ABHD2: variants seen among roughly 807,000 people sequenced by gnomAD.
The protein encoded by ABHD2 is abhydrolase domain containing 2, acylglycerol lipase, also known as monoacylglycerol lipase ABHD2.
A neutral mutation model predicts 48.1 loss-of-function variants in ABHD2; 20 were observed. The ratio of observed to expected loss-of-function variants is 0.42; its 90% CI spans 0.29 to 0.60. The LOEUF is 0.60. Among genes scored for constraint, ABHD2 ranks in the 20% least tolerant of loss-of-function variants. The pLI is 0.24. For missense variants in ABHD2, 405 were observed against 550.9 expected, an observed-to-expected ratio of 0.74 and a Z score of 2.65; for synonymous variants, 209 against 214.2, an observed-to-expected ratio of 0.98 and a Z score of 0.21.
the ABHD2 span, among the ~76,000 whole-genome samples, chr15:89,069,122 CT>C: frequency 1.1e-3 from 135 of 124,830 alleles, no homozygotes; most frequent in Admixed American, 1.6e-3. Context: ...CTTTTCTTTT[CT>C]TTTTTTTTTT....
At chr15:89,059,747 T>C in the ABHD2 span, among the ~76,000 whole-genome samples, 6 of 152,240 alleles carry the variant, frequency 3.9e-5, no homozygotes, top group Non-Finnish European at 7.4e-5. Context: ...CGCAGAGGAA[T>C]CTGCCACCAA....
At chr15:89,082,823 G>T (rs1901303595), upstream of ABHD2, 2 of 152,136 alleles carry the variant, frequency 1.3e-5, no homozygotes, top group Admixed American at 6.5e-5. The surrounding 1 kb of genome is among the most constrained non-coding windows in gnomAD (Gnocchi z 4.4). Flanking sequence ...AATAATATAG[G>T]GGTCTCTGGA....
At chr15:89,187,892 A>G (rs1194805316) in intron 7 of ABHD2, among the ~76,000 whole-genome samples, 1 of 152,210 alleles carries the variant, frequency 6.6e-6, no homozygotes, top group Admixed American at 6.5e-5. Context: ...GGCTTGGCCC[A>G]TGGCCCACCA....
chr15:89,157,762 G>A (rs2050697637), intron 5 of ABHD2, among the ~76,000 whole-genome samples: 1 of 152,020 alleles, frequency 6.6e-6, no homozygotes, highest in Admixed American at 6.6e-5. Context: ...AGAATGGCGT[G>A]AACCTGGGAG....
chr15:89,086,037 G>GC (rs1901338735), upstream of ABHD2, among the ~76,000 whole-genome samples: 1 of 147,792 alleles, frequency 6.8e-6, no homozygotes, highest in Admixed American at 6.7e-5. Context: ...AATCTTTTTT[G>GC]TTTTTTTTTT....
At chr15:89,063,970 C>G in the ABHD2 span, among the ~76,000 whole-genome samples, 1 of 152,016 alleles carries the variant, frequency 6.6e-6, no homozygotes, top group African/African-American at 2.4e-5. Context: ...CAGTCCATGG[C>G]CCAGGGGTTG....
At chr15:89,060,456 A>G in the ABHD2 span, among the ~76,000 whole-genome samples, 6 of 151,924 alleles carry the variant, frequency 3.9e-5, no homozygotes, top group African/African-American at 9.7e-5. Flanking sequence ...TTTTCTCCAT[A>G]CTAGAGCTTT....
chr15:89,156,626 TATTCA>T (rs1197905731), intron 5 of ABHD2, among the ~76,000 whole-genome samples: 3 of 151,532 alleles, frequency 2.0e-5, no homozygotes, highest in African/African-American at 7.3e-5. Flanking sequence ...TAATCCCAGC[TATTCA>T]GGAGGCTGAG....
At chr15:89,048,988 G>C in the ABHD2 span, among the ~76,000 whole-genome samples, 215 of 151,700 alleles carry the variant, frequency 1.4e-3, 1 homozygote, top group Middle Eastern at 3.4e-3. Context: ...CATTTTTTCT[G>C]CTCTGTTTTT....
chr15:89,069,350 A>G, the ABHD2 span, among the ~76,000 whole-genome samples: 1 of 151,606 alleles, frequency 6.6e-6, no homozygotes, highest in Non-Finnish European at 1.5e-5. Flanking sequence ...CTGGCCTCAA[A>G]CTCCTGGCCT....
At chr15:89,052,539 A>G in the ABHD2 span, among the ~76,000 whole-genome samples, 10 of 132,256 alleles carry the variant, frequency 7.6e-5, no homozygotes, top group East Asian at 4.4e-4. Context: ...AGACAGACAG[A>G]CAGACAGACA....
At chr15:89,043,945 C>T in the ABHD2 span, among the ~76,000 whole-genome samples, 4 of 150,676 alleles carry the variant, frequency 2.7e-5, no homozygotes, top group East Asian at 7.8e-4. Flanking sequence ...GGTACATGTG[C>T]ACAATGTGCA....
chr15:89,041,972 T>G, the ABHD2 span, among the ~76,000 whole-genome samples: 2 of 151,974 alleles, frequency 1.3e-5, no homozygotes, highest in Non-Finnish European at 2.9e-5. Context: ...GTCACCCGGG[T>G]GTTTGGTTGG....
chr15:89,155,674 C>A lies in ABHD2; in HGVS notation c.538+140C>A. 1 of 1,069,310 alleles carries A rather than the reference C, an allele frequency of 9.4e-7. No homozygotes were observed. Among genetic ancestry groups the A allele is most frequent in the Non-Finnish European group, 1.3e-6 (1 of 753,502 alleles). The allele number at this position is 1,069,310 out of a possible 1,614,324, so 66.2% of individuals were successfully genotyped here. On this transcript the variant is annotated intron_variant, in intron 5 of 10. Coordinates refer to ENST00000352732, the MANE Select transcript of ABHD2 (RefSeq NM_152924.5). This position sits in a 1 kb window ranked among gnomAD's most constrained non-coding sequence, Gnocchi z 4.9. ...TAGGTCACACGGTTATATCAACAGC[C>A]AACTTGTACTGGGCATTGATGATGC... is the stretch of plus-strand genomic sequence containing the variant.
the ABHD2 span, among the ~76,000 whole-genome samples, chr15:89,061,791 C>G: frequency 6.6e-6 from 1 of 152,084 alleles, no homozygotes; most frequent in African/African-American, 2.4e-5. Flanking sequence ...CCAGGCTGGT[C>G]TTGAACTCCT....
intron 5 of ABHD2, among the ~76,000 whole-genome samples, chr15:89,171,590 A>C (rs1401191002): frequency 1.3e-5 from 2 of 152,170 alleles, no homozygotes; most frequent in Non-Finnish European, 2.9e-5. Flanking sequence ...GCGATGTGCT[A>C]CCTGTGGAAA....
the ABHD2 span, among the ~76,000 whole-genome samples, chr15:89,073,549 G>A: frequency 1.3e-5 from 2 of 152,060 alleles, no homozygotes; most frequent in Non-Finnish European, 1.5e-5. Context: ...CACCCTCCTC[G>A]GCCTCCCAAA....
chr15:89,066,936 G>C, the ABHD2 span, among the ~76,000 whole-genome samples: 1 of 152,324 alleles, frequency 6.6e-6, no homozygotes, highest in East Asian at 1.9e-4. Context: ...ATACTTGTGA[G>C]GTCACCATAC....
At chr15:89,096,351 G>T (rs1007133565) in intron 1 of ABHD2, among the ~76,000 whole-genome samples, 1 of 152,208 alleles carries the variant, frequency 6.6e-6, no homozygotes, top group African/African-American at 2.4e-5. Flanking sequence ...AGTACTATTT[G>T]TACTGTTTGT....
Sources: allele counts gnomAD v4.1 joint callset (sites outside exome capture counted in the v4.1 genomes callset), GRCh38; gene constraint gnomAD v4.1.1; non-coding constraint Gnocchi (gnomAD v3.1); transcripts MANE v1.5; gene names NCBI Gene and HGNC (gene_info 2026-07-23, HGNC 2026-07-21).